Variants in TBL1Y observed in about 807,000 individuals in gnomAD.
TBL1Y encodes transducin beta like 1 Y-linked.
In TBL1Y, 15 loss-of-function variants were observed where a neutral mutation model predicts 12.0. The ratio of observed to expected loss-of-function variants is 1.25; its 90% CI spans 0.83 to 1.92. TBL1Y has a LOEUF of 1.92. Ranked by LOEUF, TBL1Y falls within the 40% of genes most tolerant of loss-of-function variation. The pLI is 0.00. For synonymous variants in TBL1Y, 53 were observed against 42.6 expected (o/e 1.24, Z -0.95); for missense variants, 148 against 116.7 (o/e 1.27, Z -1.24).
At position 7,051,131 on chromosome Y, in the gene TBL1Y, A is replaced by G; in HGVS notation, c.204+8006A>G. On this transcript the variant is annotated intron_variant, in intron 7 of 18. Coordinates refer to ENST00000383032, the MANE Select transcript of TBL1Y (RefSeq NM_033284.2). ...CGCTTTAGGTACATGACCAGTAATC[A>G]AGACTAAAAGCTTTAATTATGAAAG... 1.2e-4 allele frequency among the ~76,000 whole-genome samples: 4 copies of G among 33,995 alleles called. No individual in the cohort carries two copies. In the East Asian group the frequency reaches 3.0e-3, roughly 26 times the overall value. 91.2% of individuals were successfully genotyped at this position (33,995 alleles called of 37,273 possible).
intron 13 of TBL1Y, among the ~76,000 whole-genome samples, chrY:7,078,413 A>G (rs967698389): frequency 3.0e-5 from 1 of 33,877 alleles, no homozygotes. Flanking sequence ...TAGAATTGCC[A>G]TAACCCCACC....
intron 2 of TBL1Y, among the ~76,000 whole-genome samples, chrY:6,949,118 C>A: frequency 6.0e-5 from 2 of 33,222 alleles, no homozygotes; most frequent in African/African-American, 2.3e-4. Context: ...AAAACAAAAA[C>A]CCACAATTTG....
intron 7 of TBL1Y, among the ~76,000 whole-genome samples, chrY:7,055,004 A>G: frequency 3.0e-5 from 1 of 33,590 alleles, no homozygotes; most frequent in Admixed American, 2.7e-4. Flanking sequence ...GAATAAAGGG[A>G]TATATTGAAA....
At chrY:6,916,682 T>C in intron 2 of TBL1Y, among the ~76,000 whole-genome samples, 2 of 32,695 alleles carry the variant, frequency 6.1e-5, no homozygotes, top group South Asian at 1.4e-3. Context: ...GATTATGCCA[T>C]TGCACTCTAG....
intron 5 of TBL1Y, among the ~76,000 whole-genome samples, chrY:7,021,879 G>C: frequency 6.0e-5 from 2 of 33,288 alleles, no homozygotes; most frequent in Non-Finnish European, 1.5e-4. Flanking sequence ...ATGCAGGCTT[G>C]TTAATTGTAA....
intron 2 of TBL1Y, among the ~76,000 whole-genome samples, chrY:6,965,930 T>A: frequency 3.0e-5 from 1 of 33,863 alleles, no homozygotes; most frequent in Non-Finnish European, 7.3e-5. Context: ...CTAGCTTGAG[T>A]TTTTGGGAGC....
At chrY:7,030,493 T>C in intron 6 of TBL1Y, among the ~76,000 whole-genome samples, 1 of 33,320 alleles carries the variant, frequency 3.0e-5, no homozygotes, top group African/African-American at 1.2e-4. Context: ...TACAGTCTGG[T>C]TAGCCCTCTG....
intron 2 of TBL1Y, among the ~76,000 whole-genome samples, chrY:6,940,209 C>T (rs2011943066): frequency 7.2e-4 from 21 of 28,999 alleles, no homozygotes; most frequent in Admixed American, 3.2e-3. Context: ...TTGCAGTAAG[C>T]GGAGATCGCA....
chrY:6,963,344 G>A, intron 2 of TBL1Y, among the ~76,000 whole-genome samples: 1 of 33,073 alleles, frequency 3.0e-5, no homozygotes, highest in African/African-American at 1.2e-4. Flanking sequence ...GTACACACAG[G>A]TCTATTCTCT....
At chrY:7,014,906 G>T (rs750567175) in intron 4 of TBL1Y, among the ~76,000 whole-genome samples, 1 of 33,368 alleles carries the variant, frequency 3.0e-5, no homozygotes, top group South Asian at 6.9e-4. Flanking sequence ...TTTTCTCATA[G>T]TTTGTTGAGG....
intron 4 of TBL1Y, among the ~76,000 whole-genome samples, chrY:7,015,604 C>T (rs1017130602): frequency 3.0e-5 from 1 of 33,877 alleles, no homozygotes; most frequent in African/African-American, 1.1e-4. Flanking sequence ...TTAACAGAGA[C>T]GAGGTTTTGC....
intron 7 of TBL1Y, among the ~76,000 whole-genome samples, chrY:7,051,139 A>T (rs772682263): frequency 2.1e-4 from 7 of 33,877 alleles, no homozygotes; most frequent in African/African-American, 8.0e-4. Flanking sequence ...TCAAGACTAA[A>T]AGCTTTAATT....
At chrY:7,062,827 C>A (rs957284645) in intron 7 of TBL1Y, among the ~76,000 whole-genome samples, 12 of 33,363 alleles carry the variant, frequency 3.6e-4, no homozygotes, top group Admixed American at 1.3e-3. Context: ...GGGGATGTCT[C>A]ACCTCTTTTT....
chrY:6,936,431 C>G, intron 2 of TBL1Y, among the ~76,000 whole-genome samples: 1 of 34,160 alleles, frequency 2.9e-5, no homozygotes, highest in African/African-American at 1.1e-4. Flanking sequence ...TTTTCTTCAT[C>G]TCTTTGTCCT....
chrY:7,059,242 A>G, intron 7 of TBL1Y, among the ~76,000 whole-genome samples: 1 of 33,570 alleles, frequency 3.0e-5, no homozygotes, highest in Non-Finnish European at 7.4e-5. Flanking sequence ...CCCCAGGGGT[A>G]TAACAAGGCA....
chrY:6,927,783 T>C (rs2124097244), intron 2 of TBL1Y, among the ~76,000 whole-genome samples: 2 of 33,637 alleles, frequency 5.9e-5, no homozygotes, highest in South Asian at 1.3e-3. Flanking sequence ...TGGGTTGTTA[T>C]AAAAGTTCTT....
chrY:6,940,610 C>T, intron 2 of TBL1Y, among the ~76,000 whole-genome samples: 1 of 33,139 alleles, frequency 3.0e-5, no homozygotes, highest in African/African-American at 1.2e-4. Flanking sequence ...GTCCTCATTC[C>T]TTTTCAAGTA....
At chrY:6,925,443 G>A (rs2011819693) in intron 2 of TBL1Y, among the ~76,000 whole-genome samples, 1 of 32,747 alleles carries the variant, frequency 3.1e-5, no homozygotes, top group Admixed American at 2.8e-4. Flanking sequence ...TTTTTAGATA[G>A]GGTCTCATTT....
chrY:6,956,634 T>C, intron 2 of TBL1Y, among the ~76,000 whole-genome samples: 1 of 32,396 alleles, frequency 3.1e-5, no homozygotes, highest in Non-Finnish European at 7.5e-5. Context: ...AGGAACAAAA[T>C]GTGGACTAGT....
Sources: allele counts gnomAD v4.1 joint callset (sites outside exome capture counted in the v4.1 genomes callset), GRCh38; gene constraint gnomAD v4.1.1; transcripts MANE v1.5; gene names NCBI Gene and HGNC (gene_info 2026-07-23, HGNC 2026-07-21).